MAST2: variants seen among roughly 807,000 people sequenced by gnomAD.
The protein encoded by MAST2 is microtubule associated serine/threonine kinase 2, also known as microtubule-associated serine/threonine-protein kinase 2.
A neutral mutation model predicts 147.4 loss-of-function variants in MAST2; 70 were observed. The ratio of observed to expected loss-of-function variants is 0.47; its 90% CI spans 0.39 to 0.58. The LOEUF is 0.58. Among genes scored for constraint, MAST2 ranks in the 20% least tolerant of loss-of-function variants. MAST2 has a pLI of 0.00. For synonymous variants in MAST2, 869 were observed against 896.8 expected (o/e 0.97, Z 0.55); for missense variants, 2,080 against 2,302.3 (o/e 0.90, Z 1.98).
chr1:45,966,869 T>G (rs1661293880), intron 5 of MAST2, among the ~76,000 whole-genome samples: 1 of 149,162 alleles, frequency 6.7e-6, no homozygotes, highest in Admixed American at 6.7e-5. Context: ...GTCTTTTTTT[T>G]TTTTTTTTTT....
intron 6 of MAST2, among the ~76,000 whole-genome samples, chr1:45,999,807 C>A (rs1452045189): frequency 6.6e-6 from 1 of 152,202 alleles, no homozygotes; most frequent in African/African-American, 2.4e-5. Flanking sequence ...TATTTTCAAA[C>A]TAGTACTTTT....
Position 46,029,858 on chromosome 1 carries a change from C to G in MAST2, c.2348C>G (p.Pro783Arg). 6.2e-7 allele frequency: 1 copy of G among 1,614,194 alleles called. No individual in the cohort carries two copies. The highest frequency in any genetic ancestry group is 8.5e-7 in the Non-Finnish European group (1 of 1,180,040). ...AGTGCCTATGAGGTGAAGCAGCACCCATTCTTTACTGGTCTGGACTGGACA... is the reference window on the plus strand; with the variant it reads ...AGTGCCTATGAGGTGAAGCAGCACCGATTCTTTACTGGTCTGGACTGGACA... The part of the protein sequence containing the change: ...TGSAYEVKQH[P>R]FFTGLDWTGL... Residue 783 changes from proline (P) to arginine (R), a missense_variant, in exon 20 of 29, where the codon CCA becomes CGA. This residue lies in a region of MAST2 where 209 missense variants were observed against 309.5 expected (regional missense o/e 0.68). Transcript: ENST00000361297.
chr1:45,869,594 A>G (rs535305872), intron 3 of MAST2, among the ~76,000 whole-genome samples: 54 of 152,256 alleles, frequency 3.5e-4, no homozygotes, highest in African/African-American at 1.2e-3. Context: ...AATTTCATCT[A>G]TTCTAAGGCT....
At position 45,833,681 on chromosome 1, in the gene MAST2, A is replaced by G. The variant is rs905710839; in HGVS notation, c.468+4100A>G. On this transcript the variant is annotated intron_variant, in intron 3 of 28. Coordinates refer to ENST00000361297, the MANE Select transcript of MAST2 (RefSeq NM_015112.3). ...ATATGCATTTCTCTAGTGACTCATG[A>G]TGTTGAGCATCTTTCATGTGCTTAC... Among the ~76,000 whole-genome samples the G allele has an allele frequency of 3.3e-5, 5 of 152,130 alleles. No homozygotes were observed. In the East Asian group the frequency reaches 5.8e-4, roughly 18 times the overall value.
intron 1 of MAST2, among the ~76,000 whole-genome samples, chr1:45,807,967 G>T (rs1168854388): frequency 6.6e-6 from 1 of 152,214 alleles, no homozygotes; most frequent in Middle Eastern, 3.4e-3. Flanking sequence ...TATTTATTTG[G>T]GTAGTAAGAG....
intron 1 of MAST2, among the ~76,000 whole-genome samples, chr1:45,819,894 T>TC (rs1388960312): frequency 6.6e-6 from 1 of 152,132 alleles, no homozygotes; most frequent in African/African-American, 2.4e-5. Context: ...AAAGCTATCT[T>TC]CAACATAAAG....
At chr1:45,901,222 TA>T (rs1298600443) in intron 4 of MAST2, among the ~76,000 whole-genome samples, 1 of 152,212 alleles carries the variant, frequency 6.6e-6, no homozygotes, top group African/African-American at 2.4e-5. Flanking sequence ...TGCATATGGC[TA>T]GCCAATTTTC....
intron 5 of MAST2, among the ~76,000 whole-genome samples, chr1:45,967,092 G>T (rs1661338745): frequency 1.3e-5 from 2 of 148,758 alleles, no homozygotes; most frequent in South Asian, 2.1e-4. Context: ...TTTTTTTTTT[G>T]AGAGAGAGTC....
At chr1:46,027,348 T>G (rs566168253) in intron 16 of MAST2, among the ~76,000 whole-genome samples, 5 of 152,180 alleles carry the variant, frequency 3.3e-5, no homozygotes, top group Non-Finnish European at 7.3e-5. Context: ...AGGAGTATTA[T>G]GGGCCACTCA....
At chr1:45,910,467 A>T (rs1015447867) in intron 4 of MAST2, among the ~76,000 whole-genome samples, 1 of 152,254 alleles carries the variant, frequency 6.6e-6, no homozygotes, top group African/African-American at 2.4e-5. Flanking sequence ...TCAACCATTT[A>T]TCAGTGTAAT....
At chr1:45,878,930 CTT>C (rs34533331) in intron 3 of MAST2, among the ~76,000 whole-genome samples, 348 of 145,844 alleles carry the variant, frequency 2.4e-3, no homozygotes, top group African/African-American at 6.9e-3. Flanking sequence ...TCCCAGCAGG[CTT>C]TTTTTTTTTT....
At chr1:45,857,698 C>T (rs1645834550) in intron 3 of MAST2, among the ~76,000 whole-genome samples, 1 of 151,964 alleles carries the variant, frequency 6.6e-6, no homozygotes, top group African/African-American at 2.4e-5. Flanking sequence ...TGTGCTGCAC[C>T]CATTAACTTG....
chr1:45,935,821 T>TA (rs1304304579), intron 4 of MAST2, among the ~76,000 whole-genome samples: 1 of 152,212 alleles, frequency 6.6e-6, no homozygotes, highest in African/African-American at 2.4e-5. Context: ...TTAGGTAGTA[T>TA]AATGCCTCTG....
At chr1:45,978,543 A>G (rs1283314165) in intron 5 of MAST2, among the ~76,000 whole-genome samples, 18 of 152,190 alleles carry the variant, frequency 1.2e-4, no homozygotes, top group Admixed American at 1.2e-3. Flanking sequence ...AATGCAAAAT[A>G]AAATCACAAA....
chr1:46,005,612 T>A (rs1645453749), intron 7 of MAST2, among the ~76,000 whole-genome samples: 1 of 152,152 alleles, frequency 6.6e-6, no homozygotes, highest in African/African-American at 2.4e-5. Flanking sequence ...CTGAGCCATG[T>A]TTAGAATTCA....
At chr1:45,922,274 C>T (rs1653633150) in intron 4 of MAST2, among the ~76,000 whole-genome samples, 2 of 152,238 alleles carry the variant, frequency 1.3e-5, no homozygotes, top group African/African-American at 4.8e-5. Context: ...ACTGGCGACC[C>T]ATCCCCCAGG....
At position 46,034,597 on chromosome 1, in the gene MAST2, G is replaced by A. The variant is rs1379760012; in HGVS notation, c.3928G>A (p.Gly1310Ser). 9 of 1,613,836 alleles carry A rather than the reference G, an allele frequency of 5.6e-6. No individual in the cohort carries two copies. The highest frequency in any genetic ancestry group is 2.2e-5 in the East Asian group (1 of 44,882). ...PSSSVPSSPA[G>S]SGHTRPSSLH... is the part of the protein sequence containing the mutation. ...CTCCAGCGTGCCCAGTTCCCCAGCC[G>A]GCTCTGGGCACACACGGCCCAGCTC... Residue 1310 changes from glycine to serine, a missense_variant, in exon 29 of 29, where the codon GGC (glycine) becomes AGC (serine). Around this residue, in one of 4 missense-constraint regions of MAST2, gnomAD observed 1,278 missense variants for 1,304.2 expected, o/e 0.98. Transcript: ENST00000361297.
intron 4 of MAST2, chr1:45,917,676 A>G (rs1652782910): frequency 1.1e-5 from 6 of 563,644 alleles, no homozygotes; most frequent in Non-Finnish European, 1.7e-5. Context: ...AATATCACAG[A>G]TTTCTGTTGT....
chr1:45,910,955 T>A (rs983724115), intron 4 of MAST2, among the ~76,000 whole-genome samples: 3 of 152,250 alleles, frequency 2.0e-5, no homozygotes, highest in Non-Finnish European at 4.4e-5. Context: ...TTTTTAGGGT[T>A]CTGCTTTGCC....
Sources: allele counts gnomAD v4.1 joint callset (sites outside exome capture counted in the v4.1 genomes callset), GRCh38; gene constraint gnomAD v4.1.1; regional missense constraint gnomAD v4.1.1; transcripts MANE v1.5; gene names NCBI Gene and HGNC (gene_info 2026-07-23, HGNC 2026-07-21).